The following CSMD1 variants were observed in gnomAD, a reference collection of about 807,000 sequenced individuals.
CSMD1 encodes the protein CUB and sushi domain-containing protein 1.
Under a neutral mutation model 417.5 loss-of-function variants are expected in CSMD1, and 213 were observed. The ratio of observed to expected loss-of-function variants is 0.51; its 90% CI spans 0.46 to 0.57. The LOEUF (loss-of-function observed/expected upper bound fraction) is 0.57. Ranked by LOEUF, CSMD1 falls within the 20% of genes least tolerant of loss-of-function variation. CSMD1 has a pLI of 0.00. For missense variants in CSMD1, 6,923 were observed against 4,529.7 expected (o/e 1.53, Z -15.17); for synonymous variants, 2,862 against 1,736.8 (o/e 1.65, Z -16.11).
chr8:3,275,790 A>C (rs536333586), intron 26 of CSMD1, among the ~76,000 whole-genome samples: 2 of 152,194 alleles, frequency 1.3e-5, no homozygotes, highest in South Asian at 4.2e-4. Context: ...CAGCTCCTTT[A>C]AGCACTTCTC....
At chr8:3,026,430 C>T (rs891701552) in intron 51 of CSMD1, among the ~76,000 whole-genome samples, 2 of 151,768 alleles carry the variant, frequency 1.3e-5, no homozygotes, top group African/African-American at 4.8e-5. Context: ...CTGGACTTCA[C>T]TGGGCCTCAC....
chr8:2,960,959 T>TATATATATATATATATATATATAC (rs1563182766), intron 62 of CSMD1, among the ~76,000 whole-genome samples, 182 bp downstream of exon 62: 3 of 131,634 alleles, frequency 2.3e-5, no homozygotes, highest in Non-Finnish European at 4.6e-5. Flanking sequence ...TATATATATA[T>TATATATATATATATATATATATAC]ATATATACAT....
rs9886574 is a variant in CSMD1 at position 4,210,310 on chromosome 8, T to C, written c.416-178211A>G. 6.9e-3 allele frequency among the ~76,000 whole-genome samples: 1,044 copies of C among 152,338 alleles called. 12 individuals are homozygous for C. Among genetic ancestry groups the C allele is most frequent in the Non-Finnish European group, 0.011 (739 of 68,030 alleles). On this transcript the variant is annotated intron_variant, in intron 3 of 69. Transcript: ENST00000635120. ...TTTCATCCTCTACTGTTAGATTCCA[T>C]GTCAAGTGTGGGATTGTGCTGTGTC...
chr8:3,748,149 T>A (rs146247305), intron 6 of CSMD1, among the ~76,000 whole-genome samples: 48 of 152,318 alleles, frequency 3.2e-4, no homozygotes, highest in Middle Eastern at 6.8e-3. Flanking sequence ...CTTGTGCCAT[T>A]GAGACTTTAC....
intron 1 of CSMD1, among the ~76,000 whole-genome samples, chr8:4,994,036 C>T (rs887047864): frequency 2.6e-5 from 4 of 152,096 alleles, no homozygotes; most frequent in Non-Finnish European, 5.9e-5. Context: ...TCCAGCCCAA[C>T]TCGTATTGGG....
intron 2 of CSMD1, among the ~76,000 whole-genome samples, chr8:4,517,001 T>G (rs889138130): frequency 6.6e-6 from 1 of 152,224 alleles, no homozygotes; most frequent in Non-Finnish European, 1.5e-5. Flanking sequence ...GTTAACGGAC[T>G]ATATCAGATA....
chr8:4,222,441 T>C (rs2128809044), intron 3 of CSMD1, among the ~76,000 whole-genome samples: 1 of 151,788 alleles, frequency 6.6e-6, no homozygotes, highest in South Asian at 2.1e-4. Flanking sequence ...GAGGTCTTTG[T>C]GCATTGTGTA....
chr8:4,862,851 G>C (rs928413289), intron 1 of CSMD1, among the ~76,000 whole-genome samples: 6 of 151,986 alleles, frequency 3.9e-5, no homozygotes, highest in Non-Finnish European at 5.9e-5. Flanking sequence ...GTGACTCCAA[G>C]TCTTAAGATG....
At chr8:3,245,124 T>C (rs1284737328) in intron 26 of CSMD1, among the ~76,000 whole-genome samples, 2 of 152,218 alleles carry the variant, frequency 1.3e-5, no homozygotes, top group Non-Finnish European at 2.9e-5. Flanking sequence ...AATTTCTGCA[T>C]TAATGCATTA....
At chr8:3,224,381 A>C (rs17079652) in intron 27 of CSMD1, among the ~76,000 whole-genome samples, 42,349 of 152,092 alleles carry the variant, frequency 0.28, 6,034 homozygotes, top group East Asian at 0.31. Flanking sequence ...GTTTTATCCC[A>C]AACGTCTAGG....
At chr8:4,564,091 A>G (rs1798475725) in intron 2 of CSMD1, among the ~76,000 whole-genome samples, 1 of 152,206 alleles carries the variant, frequency 6.6e-6, no homozygotes, top group Non-Finnish European at 1.5e-5. Context: ...ATATTTAAAT[A>G]AATTGATGAG....
intron 4 of CSMD1, among the ~76,000 whole-genome samples, chr8:4,011,230 A>C (rs988884103): frequency 2.0e-5 from 3 of 152,186 alleles, no homozygotes; most frequent in African/African-American, 7.2e-5. Context: ...CTCTCTGATC[A>C]AGTTTTTAAG....
At position 4,162,022 on chromosome 8, in the gene CSMD1, C is replaced by T. The variant is rs188172552; in HGVS notation, c.416-129923G>A. Among the ~76,000 whole-genome samples the T allele has an allele frequency of 3.4e-3, 514 of 152,224 alleles. 1 individual carries two copies. Among genetic ancestry groups the T allele is most frequent in the African/African-American group, 9.8e-3 (408 of 41,522 alleles). On this transcript the variant is annotated intron_variant, in intron 3 of 69. Transcript: ENST00000635120. ...TGACTAACCATTCTGTATTTGCCTT[C>T]GACTTTGCTAAACTAAGCAATTTCC...
intron 3 of CSMD1, among the ~76,000 whole-genome samples, chr8:4,188,743 G>A (rs923938113): frequency 6.6e-6 from 1 of 151,448 alleles, no homozygotes; most frequent in East Asian, 1.9e-4. Context: ...GTAATGTCTA[G>A]AAAAGAAAGA....
chr8:4,331,279 G>A (rs553486060), intron 3 of CSMD1, among the ~76,000 whole-genome samples: 2 of 152,086 alleles, frequency 1.3e-5, no homozygotes, highest in African/African-American at 2.4e-5. Context: ...GTGACACAAG[G>A]TGCTGAATGG....
intron 3 of CSMD1, among the ~76,000 whole-genome samples, chr8:4,094,138 G>A (rs887570452): frequency 1.3e-5 from 2 of 152,122 alleles, no homozygotes; most frequent in Admixed American, 1.3e-4. Context: ...GTGTGTGGGG[G>A]GGATGAGGGG....
At chr8:4,883,792 T>A (rs768194588) in intron 1 of CSMD1, among the ~76,000 whole-genome samples, 1 of 152,010 alleles carries the variant, frequency 6.6e-6, no homozygotes, top group Non-Finnish European at 1.5e-5. Flanking sequence ...AACATTCATG[T>A]ACACAAAAAA....
chr8:3,261,753 C>T (rs900024203), intron 26 of CSMD1, among the ~76,000 whole-genome samples: 5 of 152,150 alleles, frequency 3.3e-5, no homozygotes, highest in South Asian at 4.2e-4. Context: ...GTCCGAGAGA[C>T]GACACACTGC....
chr8:3,377,990 A>T (rs1585076207), intron 18 of CSMD1, among the ~76,000 whole-genome samples: 1 of 152,210 alleles, frequency 6.6e-6, no homozygotes, highest in Admixed American at 6.5e-5. Flanking sequence ...GCCTGGAGCA[A>T]TTCCAGAGGA....
Sources: gnomAD v4.1 joint callset for allele counts (sites outside exome capture counted in the v4.1 genomes callset) on GRCh38, gnomAD v4.1.1 for gene constraint, MANE v1.5 for transcripts, NCBI Gene and HGNC (gene_info 2026-07-23, HGNC 2026-07-21) for gene names.